Variants in PIF1 observed in about 807,000 individuals in gnomAD.
The protein encoded by PIF1 is PIF1 5'-to-3' DNA helicase, also known as ATP-dependent DNA helicase PIF1.
PIF1 carries 67 observed loss-of-function variants against 62.3 expected under a neutral mutation model. The ratio of observed to expected loss-of-function variants is 1.08; its 90% CI spans 0.88 to 1.32. The LOEUF (loss-of-function observed/expected upper bound fraction) is 1.32. PIF1 is among the 40% of genes most tolerant of loss of function. PIF1 has a pLI of 0.00. For missense variants in PIF1, 886 were observed against 866.1 expected (o/e 1.02, Z -0.29); for synonymous variants, 364 against 379.5 (o/e 0.96, Z 0.47).
intron 1 of PIF1, among the ~76,000 whole-genome samples, chr15:64,825,236 C>T (rs189754807): frequency 2.3e-3 from 351 of 152,124 alleles, no homozygotes; most frequent in Admixed American, 5.1e-3. Flanking sequence ...AAGAGGGCTG[C>T]CGTGTAATAA....
intron 2 of PIF1, among the ~76,000 whole-genome samples, chr15:64,822,983 T>C (rs2084312285): frequency 6.6e-6 from 1 of 152,128 alleles, no homozygotes; most frequent in African/African-American, 2.4e-5. Flanking sequence ...AAACCCTGTC[T>C]AGCCAGGGCC....
upstream of PIF1, among the ~76,000 whole-genome samples, chr15:64,826,653 T>TATAC (rs2084372181): frequency 2.6e-5 from 1 of 37,890 alleles, no homozygotes; most frequent in Non-Finnish European, 5.7e-5. Flanking sequence ...TATATATATA[T>TATAC]ATATATATAT....
rs1435174648 is a variant in PIF1, at chr15:64,815,730, C to T, written c.*568G>A. ...CACTATTTATCCCCTGAAAAAGCAG[C>T]TTAAAATATGGGTGCACATTTTGCA... On this transcript the variant is annotated 3_prime_UTR_variant, in exon 13 of 13. Transcript: ENST00000559239. The T allele has an allele frequency of 6.4e-7, 1 of 1,550,596 alleles. No homozygotes were observed. Among genetic ancestry groups the T allele is most frequent in the South Asian group, 1.2e-5 (1 of 84,066 alleles).
At chr15:64,825,214 TG>T (rs781062741) in intron 1 of PIF1, among the ~76,000 whole-genome samples, 1 of 151,768 alleles carries the variant, frequency 6.6e-6, no homozygotes, top group Non-Finnish European at 1.5e-5. Flanking sequence ...GAATCGCCCG[TG>T]GGGAGATGCA....
rs559923588 is a variant in PIF1, at chr15:64,818,223, C to A, written c.1528+34G>T. On this transcript the variant is annotated intron_variant, in intron 10 of 12. Transcript: ENST00000559239. ...TTCCCGGGGCCATGCTGCAAAGCCC[C>A]GTAGCAGGACTGCCACCTCCTCCCA... 12 of 1,612,746 alleles carry A rather than the reference C, an allele frequency of 7.4e-6. 1 individual carries two copies. The South Asian group carries it at 1.2e-4, about 16-fold the overall frequency.
At chr15:64,818,812 C>T in intron 9 of PIF1, 1 of 342,982 alleles carries the variant, frequency 2.9e-6, no homozygotes, top group South Asian at 5.5e-5. Context: ...AAGTATACTA[C>T]AGAAGACAGC....
Position 64,823,799 on chromosome 15 carries a change from C to A in PIF1, c.537G>T (p.Gln179His). 1 of 1,343,756 alleles carries A rather than the reference C, an allele frequency of 7.4e-7. No individual in the cohort carries two copies. Among genetic ancestry groups the A allele is most frequent in the African/African-American group, 1.5e-5 (1 of 66,660 alleles). The allele number at this position is 1,343,756 out of a possible 1,614,324, so 83.2% of individuals were successfully genotyped here. The change falls in exon 2 of 13, where the codon CAG becomes CAT. Residue 179 changes from glutamine to histidine, a missense_variant. Physicochemically the swap from Gln to His is conservative, Grantham distance 24. Coordinates refer to ENST00000559239, the MANE Select transcript of PIF1 (RefSeq NM_001286496.2). ...TCACTGTGCTAGGCTCGGCCCCAGC[C>A]TGGGGCTCCACAGGCCGCTTCACCA... ...TTLVKRPVEP[Q>H]AGAEPSTEAP... is the part of the protein sequence containing the mutation.
chr15:64,826,709 C>CAT (rs1222729611), upstream of PIF1, among the ~76,000 whole-genome samples: 38 of 134,632 alleles, frequency 2.8e-4, no homozygotes, highest in African/African-American at 7.3e-4. Flanking sequence ...TATACACACA[C>CAT]ATATATATAT....
At chr15:64,818,679 C>A in intron 9 of PIF1, 2 of 345,918 alleles carry the variant, frequency 5.8e-6, no homozygotes. Flanking sequence ...TGAGGGATGG[C>A]CTCTAGGTCC....
chr15:64,817,499 C>T (rs1398572104), intron 11 of PIF1, among the ~76,000 whole-genome samples: 6 of 150,750 alleles, frequency 4.0e-5, no homozygotes, highest in Non-Finnish European at 8.9e-5. Context: ...GAGCCGAGAT[C>T]ACTGCACTCC....
rs1359741503 is a variant in PIF1, at chr15:64,815,864, C to G, written c.*434G>C. On this transcript the variant is annotated 3_prime_UTR_variant, in exon 13 of 13. Coordinates refer to ENST00000559239, the MANE Select transcript of PIF1 (RefSeq NM_001286496.2). ...TCCGTTCTCTGTTTGGAGGCTGCAC[C>G]CAGCCTGAGTCCCCACCAGTCCCCT... 1 of 1,550,566 alleles carries G rather than the reference C, an allele frequency of 6.4e-7. No homozygotes were observed.
At chr15:64,821,670 C>G (rs1256082930) in intron 4 of PIF1, 150 bp from the exon 5 acceptor site, 1 of 825,186 alleles carries the variant, frequency 1.2e-6, no homozygotes, top group Non-Finnish European at 1.8e-6. Context: ...CTCATGGGCT[C>G]AAGCGATCCT....
In PIF1 at chr15:64,824,171, C is replaced by T. The variant is rs2084333361; in HGVS notation, c.165G>A (p.Leu55=). The change falls in exon 2 of 13, where the codon CTG becomes CTA. Residue 55 remains leucine, a synonymous_variant. Coordinates refer to ENST00000559239, the MANE Select transcript of PIF1 (RefSeq NM_001286496.2). ...LGRNERRELM[L]RLQAPGPAGR... Reference sequence around the variant, plus strand: ...CCGCGGGCCCTGGCGCTTGCAGCCGCAGCATCAACTCGCGGCGCTCGTTGC... The same window carrying T: ...CCGCGGGCCCTGGCGCTTGCAGCCGTAGCATCAACTCGCGGCGCTCGTTGC... 3 of 1,327,348 alleles carry T rather than the reference C, an allele frequency of 2.3e-6. No homozygotes were observed. The highest frequency in any genetic ancestry group is 3.0e-5 in the African/African-American group (2 of 65,596). The allele number at this position is 1,327,348 out of a possible 1,614,324, so 82.2% of individuals were successfully genotyped here.
Position 64,821,196 on chromosome 15 carries a change from C to T in PIF1, c.1057G>A (p.Gly353Ser), listed in dbSNP as rs1399400455. 3 of 1,614,174 alleles carry T rather than the reference C, an allele frequency of 1.9e-6. No individual in the cohort carries two copies. The highest frequency in any genetic ancestry group is 2.2e-5 in the East Asian group (1 of 44,882). Residue 353 changes from glycine to serine, a missense_variant, in exon 6 of 13, where the codon GGC becomes AGC. Physicochemically the swap from Gly to Ser is moderately conservative, Grantham distance 56. Coordinates refer to ENST00000559239, the MANE Select transcript of PIF1 (RefSeq NM_001286496.2). ...AAGCAGAACCGTGGGGGCTGGGAGC[C>T]CTTGGTCACAGGTGGCAGCTGCAGA... The part of the protein sequence containing the change: ...DFLQLPPVTK[G>S]SQPPRFCFQS...
intron 1 of PIF1, among the ~76,000 whole-genome samples, chr15:64,825,178 CAG>C (rs2084352036): frequency 6.6e-6 from 1 of 151,868 alleles, no homozygotes; most frequent in South Asian, 2.1e-4. Context: ...CATGAATCCT[CAG>C]AGTACTCTCC....
At chr15:64,819,282 C>CA in intron 8 of PIF1, 59 bp from the exon 9 acceptor site, 1 of 1,132,888 alleles carries the variant, frequency 8.8e-7, no homozygotes. Context: ...CTCAGCATCC[C>CA]AAAAAAGACT....
At position 64,818,245 on chromosome 15, in the gene PIF1, C is replaced by G. The variant is rs758873991; in HGVS notation, c.1528+12G>C. ...CCCCGTAGCAGGACTGCCACCTCCT[C>G]CCAACACTTACCTCTCCCTTCTGCC... On this transcript the variant is annotated intron_variant, in intron 10 of 12. Transcript: ENST00000559239. 62 of 1,613,978 alleles carry G rather than the reference C, an allele frequency of 3.8e-5. No individual in the cohort carries two copies. Among genetic ancestry groups the G allele is most frequent in the Non-Finnish European group, 5.3e-5 (62 of 1,179,984 alleles).
chr15:64,819,782 C>T (rs1427963573), intron 8 of PIF1, 65 bp downstream of exon 8: 1 of 1,600,236 alleles, frequency 6.2e-7, no homozygotes. Flanking sequence ...CCCAGGTTGC[C>T]TGGGGGCTAC....
intron 1 of PIF1, among the ~76,000 whole-genome samples, chr15:64,824,746 C>G (rs12904029): frequency 0.58 from 86,912 of 150,706 alleles, 26,067 homozygotes; most frequent in East Asian, 0.94. Flanking sequence ...CTTTGGGAGG[C>G]TGAAGAAGGA....
Sources: gnomAD v4.1 joint callset for allele counts (sites outside exome capture counted in the v4.1 genomes callset) on GRCh38, gnomAD v4.1.1 for gene constraint, MANE v1.5 for transcripts, NCBI Gene and HGNC (gene_info 2026-07-23, HGNC 2026-07-21) for gene names.